Variants in TTLL11 observed in about 807,000 individuals in gnomAD.
TTLL11 encodes tubulin polyglutamylase TTLL11.
Under a neutral mutation model 51.7 loss-of-function variants are expected in TTLL11, and 42 were observed. The ratio of observed to expected loss-of-function variants is 0.81; its 90% CI spans 0.64 to 1.05. TTLL11 has a LOEUF of 1.05. Among genes scored for constraint, TTLL11 ranks in the 50% least tolerant of loss-of-function variants. The probability of loss-of-function intolerance (pLI) is 0.00; values close to 1 mark genes in which losing one functional copy is unlikely to be tolerated. For synonymous variants in TTLL11, 381 were observed against 383.5 expected (o/e 0.99, Z 0.08); for missense variants, 799 against 940.4 (o/e 0.85, Z 1.97).
At chr9:122,021,318 G>GAC (rs1027218959) in intron 3 of TTLL11, among the ~76,000 whole-genome samples, 1 of 152,170 alleles carries the variant, frequency 6.6e-6, no homozygotes, top group African/African-American at 2.4e-5. Context: ...AGTCAGGGAA[G>GAC]ACTGAGATAG....
At chr9:121,975,140 A>C (rs1055432669) in intron 4 of TTLL11, among the ~76,000 whole-genome samples, 161 bp from the exon 5 acceptor site, 1 of 152,182 alleles carries the variant, frequency 6.6e-6, no homozygotes, top group Non-Finnish European at 1.5e-5. Context: ...GTCAGACCAA[A>C]TGGACAGCAG....
At position 121,995,383 on chromosome 9, in the gene TTLL11, A is replaced by T. The variant is rs13285346; in HGVS notation, c.694-5613T>A. On this transcript the variant is annotated intron_variant, in intron 3 of 8. Coordinates refer to ENST00000321582, the MANE Select transcript of TTLL11 (RefSeq NM_001139442.2). The surrounding 1 kb of genome is among the most constrained non-coding windows in gnomAD (Gnocchi z 4.4). ...AGGAATGAAACCAGGTGTAGGAAGG[A>T]CCCGAGGCTATCAAAGGTCCAAAGG... is the stretch of plus-strand genomic sequence containing the variant. Among the ~76,000 whole-genome samples, 63,339 of 151,954 alleles carry T rather than the reference A, an allele frequency of 0.42. 14,788 individuals carry two copies. The highest frequency in any genetic ancestry group is 0.63 in the African/African-American group (26,100 of 41,416).
At chr9:121,833,578 T>G (rs1212865469) in intron 8 of TTLL11, among the ~76,000 whole-genome samples, 2 of 152,146 alleles carry the variant, frequency 1.3e-5, no homozygotes, top group African/African-American at 4.8e-5. Context: ...GAGGACATGT[T>G]TACGCGTATT....
chr9:121,989,111 G>T lies in TTLL11; in HGVS notation c.1269+84C>A. ...TCCCCTCCTCTGGCCATCCCACCCC[G>T]ATCACTCATCCTACACGAAGCCAGA... On this transcript the variant is annotated intron_variant, in intron 4 of 8. Coordinates refer to ENST00000321582, the MANE Select transcript of TTLL11 (RefSeq NM_001139442.2). The surrounding 1 kb of genome is among the most constrained non-coding windows in gnomAD (Gnocchi z 4.2). 2 of 1,559,332 alleles carry T rather than the reference G, an allele frequency of 1.3e-6. No homozygotes were observed. Among genetic ancestry groups the T allele is most frequent in the South Asian group, 1.2e-5 (1 of 81,540 alleles).
At chr9:122,020,265 AT>A (rs1206522872) in intron 3 of TTLL11, among the ~76,000 whole-genome samples, 1 of 152,222 alleles carries the variant, frequency 6.6e-6, no homozygotes, top group Non-Finnish European at 1.5e-5. Flanking sequence ...TAAACTCATT[AT>A]ACAAAATCAG....
chr9:121,928,907 A>C (rs1214801087), intron 6 of TTLL11, among the ~76,000 whole-genome samples: 1 of 152,166 alleles, frequency 6.6e-6, no homozygotes, highest in Non-Finnish European at 1.5e-5. Context: ...TACAGTCATG[A>C]TAGATTATTT....
At chr9:121,861,872 T>G (rs1479468662) in intron 7 of TTLL11, among the ~76,000 whole-genome samples, 1 of 152,194 alleles carries the variant, frequency 6.6e-6, no homozygotes, top group Non-Finnish European at 1.5e-5. Flanking sequence ...CTGAAGATTC[T>G]ACATAAGCCC....
chr9:121,952,248 C>A (rs1841873179), intron 6 of TTLL11, among the ~76,000 whole-genome samples: 1 of 151,952 alleles, frequency 6.6e-6, no homozygotes, highest in Admixed American at 6.6e-5. Flanking sequence ...AGATCGAGAC[C>A]ATCCTGGCTA....
At chr9:121,898,174 A>G (rs888601708) in intron 6 of TTLL11, among the ~76,000 whole-genome samples, 2 of 152,122 alleles carry the variant, frequency 1.3e-5, no homozygotes, top group Non-Finnish European at 2.9e-5. Flanking sequence ...TCAGCCTGCC[A>G]AAGTGCTGGG....
Position 121,931,600 on chromosome 9 carries a change from A to AG in TTLL11, c.1481+42408_1481+42409insC, listed in dbSNP as rs1840983124. 4.6e-5 allele frequency among the ~76,000 whole-genome samples: 7 copies of AG among 150,544 alleles called. No homozygotes were observed. The South Asian group carries it at 6.3e-4, about 14-fold the overall frequency. ...TCTACTATTTAAAAAAAAAAAAAAA[A>AG]AAAAAGAAAAGAAAAGAAAGAAATA... On this transcript the variant is annotated intron_variant, in intron 6 of 8. Coordinates refer to ENST00000321582, the MANE Select transcript of TTLL11 (RefSeq NM_001139442.2).
intron 6 of TTLL11, among the ~76,000 whole-genome samples, chr9:121,943,386 A>G (rs185225968): frequency 6.6e-6 from 1 of 152,314 alleles, no homozygotes; most frequent in East Asian, 1.9e-4. Context: ...AATAACTGAA[A>G]TAAGATCTAT....
In TTLL11 at chr9:121,817,105, T is replaced by C. The variant is rs1158112153; in HGVS notation, c.*5482A>G. On this transcript the variant is annotated 3_prime_UTR_variant, in exon 9 of 9. Coordinates refer to ENST00000321582, the MANE Select transcript of TTLL11 (RefSeq NM_001139442.2). Reference sequence around the variant, plus strand: ...GGGAAGATGCTCGTGTGCTGGCCATTGCAAGCCCAATTCTCAATTACAGGG... The same window carrying C: ...GGGAAGATGCTCGTGTGCTGGCCATCGCAAGCCCAATTCTCAATTACAGGG... 1 of 152,220 alleles carries C rather than the reference T, an allele frequency of 6.6e-6. No homozygotes were observed. Among genetic ancestry groups the C allele is most frequent in the African/African-American group, 2.4e-5 (1 of 41,454 alleles). 9.4% of individuals were successfully genotyped at this position (152,220 alleles called of 1,614,324 possible). A position where few individuals can be genotyped will look rare whatever the true frequency, so the allele number is the denominator to read the frequency against.
intron 3 of TTLL11, among the ~76,000 whole-genome samples, chr9:122,000,772 T>C (rs997067897): frequency 6.6e-6 from 1 of 152,212 alleles, no homozygotes; most frequent in Non-Finnish European, 1.5e-5. Context: ...ATTCTTTTAT[T>C]TGTCTACTTT....
intron 2 of TTLL11, among the ~76,000 whole-genome samples, chr9:122,034,896 T>C (rs1404251747): frequency 2.0e-5 from 3 of 152,212 alleles, no homozygotes; most frequent in Non-Finnish European, 2.9e-5. Flanking sequence ...CCCTGGGCTC[T>C]AGGACCAATT....
chr9:121,868,997 T>A (rs1458911970), intron 7 of TTLL11, among the ~76,000 whole-genome samples: 1 of 152,228 alleles, frequency 6.6e-6, no homozygotes, highest in African/African-American at 2.4e-5. Context: ...ATTTTGCAGA[T>A]GAGAGAACTG....
chr9:121,905,984 T>C (rs1839931417), intron 6 of TTLL11, among the ~76,000 whole-genome samples: 1 of 152,196 alleles, frequency 6.6e-6, no homozygotes, highest in South Asian at 2.1e-4. Context: ...TCTATAATCT[T>C]TTGTTTGCCA....
At chr9:121,944,397 A>G (rs1841594207) in intron 6 of TTLL11, among the ~76,000 whole-genome samples, 1 of 152,074 alleles carries the variant, frequency 6.6e-6, no homozygotes, top group Admixed American at 6.5e-5. Context: ...AGTCTCAGCT[A>G]CTTGGGAAGC....
intron 3 of TTLL11, among the ~76,000 whole-genome samples, chr9:122,009,092 G>A (rs1843730252): frequency 2.0e-5 from 3 of 152,198 alleles, no homozygotes; most frequent in Admixed American, 6.5e-5. Flanking sequence ...AGAGGAATAA[G>A]TTCAAGAGAT....
At chr9:122,031,956 T>C in intron 2 of TTLL11, 100 bp from the exon 3 acceptor site, 2 of 1,466,326 alleles carry the variant, frequency 1.4e-6, no homozygotes, top group Non-Finnish European at 1.8e-6. Context: ...CGACATATTC[T>C]CTTTTTCAGG....
Sources: allele counts gnomAD v4.1 joint callset (sites outside exome capture counted in the v4.1 genomes callset), GRCh38; gene constraint gnomAD v4.1.1; non-coding constraint Gnocchi (gnomAD v3.1); transcripts MANE v1.5; gene names NCBI Gene and HGNC (gene_info 2026-07-23, HGNC 2026-07-21).